Variants in EXOC6B observed in about 807,000 individuals in gnomAD.
EXOC6B encodes the protein exocyst complex component 6B.
EXOC6B carries 54 observed loss-of-function variants against 113.5 expected under a neutral mutation model. The ratio of observed to expected loss-of-function variants is 0.48; its 90% CI spans 0.38 to 0.60. The LOEUF (loss-of-function observed/expected upper bound fraction) is 0.60, where lower values mean the gene tolerates loss of function less well. Ranked by LOEUF, EXOC6B falls within the 20% of genes least tolerant of loss-of-function variation. The pLI is 0.00. For synonymous variants in EXOC6B, 357 were observed against 339.0 expected (o/e 1.05, Z -0.58); for missense variants, 797 against 977.5 (o/e 0.82, Z 2.46).
chr2:72,389,937 C>A (rs1468942288), intron 18 of EXOC6B, among the ~76,000 whole-genome samples: 1 of 152,090 alleles, frequency 6.6e-6, no homozygotes, highest in Non-Finnish European at 1.5e-5. Context: ...GGCAGTTAGA[C>A]AAGACATACT....
chr2:72,624,955 T>C (rs988747486), intron 6 of EXOC6B, among the ~76,000 whole-genome samples: 2 of 151,558 alleles, frequency 1.3e-5, no homozygotes, highest in Non-Finnish European at 2.9e-5. Context: ...TGTCTGCCTA[T>C]AGAGTCCACA....
chr2:72,270,193 A>G (rs931039381), intron 20 of EXOC6B, among the ~76,000 whole-genome samples: 17 of 152,076 alleles, frequency 1.1e-4, no homozygotes, highest in Admixed American at 9.8e-4. Context: ...AGGTCACAGC[A>G]ATGAGATTTC....
chr2:72,401,618 TATACATATATATATATATAC>T (rs1693290921), intron 18 of EXOC6B, among the ~76,000 whole-genome samples: 1 of 42,412 alleles, frequency 2.4e-5, no homozygotes, highest in Non-Finnish European at 3.6e-5. Flanking sequence ...TATATATATA[TATACATATATATATATATAC>T]ATATATACAT....
At chr2:72,701,205 T>C (rs1678315027) in intron 6 of EXOC6B, among the ~76,000 whole-genome samples, 2 of 149,858 alleles carry the variant, frequency 1.3e-5, no homozygotes. Context: ...TAGCTGGGCA[T>C]GGTTGTTGTG....
intron 20 of EXOC6B, among the ~76,000 whole-genome samples, chr2:72,301,603 A>G (rs1686537971): frequency 6.6e-6 from 1 of 152,112 alleles, no homozygotes; most frequent in African/African-American, 2.4e-5. Flanking sequence ...GAATTTATCC[A>G]TCTCTTCTAG....
chr2:72,351,574 A>C (rs1284909314), intron 19 of EXOC6B, among the ~76,000 whole-genome samples: 1 of 152,162 alleles, frequency 6.6e-6, no homozygotes, highest in African/African-American at 2.4e-5. Context: ...TCCTTAGGAC[A>C]TTTGCATATA....
At chr2:72,491,463 G>T (rs1214543184) in intron 16 of EXOC6B, among the ~76,000 whole-genome samples, 1 of 152,022 alleles carries the variant, frequency 6.6e-6, no homozygotes, top group East Asian at 1.9e-4. Flanking sequence ...TAGAGTAACA[G>T]ACTTCCAAAC....
At chr2:72,680,735 T>C (rs1676640233) in intron 6 of EXOC6B, among the ~76,000 whole-genome samples, 4 of 150,458 alleles carry the variant, frequency 2.7e-5, no homozygotes. Context: ...CAAGACTCCA[T>C]CTCAAAAAAA....
intron 20 of EXOC6B, among the ~76,000 whole-genome samples, chr2:72,250,858 T>C (rs1374180397): frequency 1.3e-5 from 2 of 152,024 alleles, no homozygotes; most frequent in Non-Finnish European, 2.9e-5. Flanking sequence ...GTTTGTTTAT[T>C]TTTATTTTTG....
chr2:72,565,265 C>A (rs982843584), intron 7 of EXOC6B, among the ~76,000 whole-genome samples: 4 of 145,768 alleles, frequency 2.7e-5, no homozygotes, highest in African/African-American at 1.0e-4. Flanking sequence ...GTGGGAGGAT[C>A]GCTTGAGCCT....
intron 1 of EXOC6B, among the ~76,000 whole-genome samples, chr2:72,784,069 CA>C (rs1684232196): frequency 6.6e-6 from 1 of 152,114 alleles, no homozygotes; most frequent in Admixed American, 6.5e-5. Context: ...CATGGATATC[CA>C]GTGTTCCCAG....
intron 6 of EXOC6B, among the ~76,000 whole-genome samples, chr2:72,681,732 C>CT (rs1162201070): frequency 6.6e-6 from 1 of 151,826 alleles, no homozygotes; most frequent in Admixed American, 6.6e-5. Context: ...AAAACTAGCT[C>CT]TATGACTCAA....
intron 6 of EXOC6B, among the ~76,000 whole-genome samples, chr2:72,662,160 A>C (rs10186172): frequency 0.029 from 4,359 of 151,956 alleles, 216 homozygotes; most frequent in African/African-American, 0.099. Context: ...AGAGAAAGAG[A>C]AGAAACCTTG....
chr2:72,460,850 A>G (rs564754777), intron 18 of EXOC6B, among the ~76,000 whole-genome samples: 104 of 151,792 alleles, frequency 6.9e-4, no homozygotes, highest in African/African-American at 2.4e-3. Context: ...CAGCCATCCC[A>G]TTACTGGGTA....
intron 18 of EXOC6B, among the ~76,000 whole-genome samples, chr2:72,383,436 C>T (rs557427382): frequency 6.6e-6 from 1 of 151,612 alleles, no homozygotes; most frequent in Non-Finnish European, 1.5e-5. Flanking sequence ...CAAATCAAAA[C>T]CAAAAGGAGA....
chr2:72,304,321 T>C (rs931769108), intron 20 of EXOC6B, among the ~76,000 whole-genome samples: 1 of 152,200 alleles, frequency 6.6e-6, no homozygotes, highest in African/African-American at 2.4e-5. Flanking sequence ...CTTAATAGAA[T>C]ATTACTGAAC....
chr2:72,459,649 G>T (rs1697494279), intron 18 of EXOC6B, among the ~76,000 whole-genome samples: 2 of 152,000 alleles, frequency 1.3e-5, no homozygotes, highest in African/African-American at 4.8e-5. Context: ...AACTTACAAG[G>T]GATGTGAAGG....
intron 8 of EXOC6B, among the ~76,000 whole-genome samples, chr2:72,546,405 G>A (rs1391709879): frequency 6.6e-6 from 1 of 152,084 alleles, no homozygotes. Flanking sequence ...TGGCGCCATT[G>A]CACTCCAGCC....
chr2:72,414,723 C>G (rs1694412854), intron 18 of EXOC6B, among the ~76,000 whole-genome samples: 1 of 152,158 alleles, frequency 6.6e-6, no homozygotes. Context: ...TTGACAGATT[C>G]AAGGTACATC....
Sources: allele counts gnomAD v4.1 joint callset (sites outside exome capture counted in the v4.1 genomes callset), GRCh38; gene constraint gnomAD v4.1.1; transcripts MANE v1.5; gene names NCBI Gene and HGNC (gene_info 2026-07-23, HGNC 2026-07-21).